CFAP53: variants seen among roughly 807,000 people sequenced by gnomAD.
CFAP53 encodes cilia and flagella associated protein 53.
A neutral mutation model predicts 59.7 loss-of-function variants in CFAP53; 62 were observed. That is an observed-to-expected ratio of 1.04 (90% CI 0.85 to 1.28). The LOEUF (loss-of-function observed/expected upper bound fraction) is 1.28. CFAP53 is among the 50% of genes most tolerant of loss of function. The pLI is 0.00. For synonymous variants in CFAP53, 218 were observed against 205.7 expected, an observed-to-expected ratio of 1.06 and a Z score of -0.51; for missense variants, 629 against 615.6, an observed-to-expected ratio of 1.02 and a Z score of -0.23.
In CFAP53 at chr18:50,236,116, T is replaced by C. The variant is rs192840478; in HGVS notation, c.1316+2487A>G. On this transcript the variant is annotated intron_variant, in intron 7 of 7. Transcript: ENST00000398545. ...ACAAACTTCTGCTTAACATCAAATGTTTCGATTTATCATCAAACACCTCGG... is the reference window on the plus strand; with the variant it reads ...ACAAACTTCTGCTTAACATCAAATGCTTCGATTTATCATCAAACACCTCGG... 1.2e-3 allele frequency among the ~76,000 whole-genome samples: 186 copies of C among 152,316 alleles called. 1 individual carries two copies. Among genetic ancestry groups the C allele is most frequent in the African/African-American group, 3.5e-3 (147 of 41,556 alleles).
At chr18:50,229,968 G>T (rs1301330147) in intron 7 of CFAP53, among the ~76,000 whole-genome samples, 5 of 151,964 alleles carry the variant, frequency 3.3e-5, no homozygotes, top group Non-Finnish European at 5.9e-5. Context: ...ATGTTGCACA[G>T]GCCGGTCTCA....
intron 1 of CFAP53, among the ~76,000 whole-genome samples, chr18:50,262,738 A>ATG (rs1283727484): frequency 1.3e-5 from 2 of 152,258 alleles, no homozygotes; most frequent in African/African-American, 2.4e-5. Flanking sequence ...ATACATGTAT[A>ATG]TGTGTGTGTG....
chr18:50,250,795 TC>T lies in CFAP53; in HGVS notation c.958del (p.Asp320ThrfsTer16). On this transcript the variant is annotated frameshift_variant, in exon 5 of 8. Transcript: ENST00000398545. LOFTEE classifies it high-confidence loss of function. ...NMKLVQRALQ[D>X]LQEEADKKKQ... ...CTTTTTATCTGCCTCTTCCTGTAAG[TC>T]TTGAAGGGCCCTTTGCACGAGCTTC... 1.9e-6 allele frequency: 3 copies of T among 1,614,204 alleles called. No homozygotes were observed. Among genetic ancestry groups the T allele is most frequent in the Non-Finnish European group, 2.5e-6 (3 of 1,180,026 alleles).
chr18:50,238,958 T>C (rs1169270855), intron 6 of CFAP53, among the ~76,000 whole-genome samples: 1 of 151,876 alleles, frequency 6.6e-6, no homozygotes, highest in African/African-American at 2.4e-5. Flanking sequence ...TCATACCAGA[T>C]TACTAATGTT....
chr18:50,228,326 C>A (rs1445011060), intron 7 of CFAP53, among the ~76,000 whole-genome samples: 1 of 152,098 alleles, frequency 6.6e-6, no homozygotes, highest in Non-Finnish European at 1.5e-5. Flanking sequence ...CAAAGGGCCA[C>A]ATCCCCGCAC....
In CFAP53 at chr18:50,238,633, A is replaced by C. The variant is rs2033659166; in HGVS notation, c.1286T>G (p.Leu429Arg). Residue 429 changes from leucine (L) to arginine (R), a missense_variant, in exon 7 of 8, where the codon CTT (leucine) becomes CGT (arginine). Transcript: ENST00000398545. ...QKHINESLKE[L>R]NCEEKENFAR... ...AAAATTCTCCTTCTCTTCACAGTTAAGTTCTTTAAGACTTTCATTTATGTG... is the reference window on the plus strand; with the variant it reads ...AAAATTCTCCTTCTCTTCACAGTTACGTTCTTTAAGACTTTCATTTATGTG... The C allele has an allele frequency of 6.2e-7, 1 of 1,610,242 alleles. No homozygotes were observed. The highest frequency in any genetic ancestry group is 1.3e-5 in the African/African-American group (1 of 74,752).
Position 50,227,305 on chromosome 18 carries a change from G to A in CFAP53, c.*76C>T. ...GGAAAAAAGAAAAGTTTATCCAGGA[G>A]TTAAAAGAAGCATACAAGCATACTG... On this transcript the variant is annotated 3_prime_UTR_variant, in exon 8 of 8. Coordinates refer to ENST00000398545, the MANE Select transcript of CFAP53 (RefSeq NM_145020.5). The A allele has an allele frequency of 4.3e-6, 5 of 1,167,024 alleles. No individual in the cohort carries two copies. The African/African-American group carries it at 4.6e-5, about 11-fold the overall frequency. 72.3% of individuals were successfully genotyped at this position (1,167,024 alleles called of 1,614,324 possible).
chr18:50,254,191 G>C (rs1396308830), intron 3 of CFAP53, among the ~76,000 whole-genome samples: 1 of 147,502 alleles, frequency 6.8e-6, no homozygotes, highest in Non-Finnish European at 1.5e-5. Context: ...GGACAAAGAA[G>C]TACTGTCTAG....
At chr18:50,266,158 G>T (rs1199991807) in intron 1 of CFAP53, among the ~76,000 whole-genome samples, 178 bp downstream of exon 1, 1 of 152,246 alleles carries the variant, frequency 6.6e-6, no homozygotes, top group African/African-American at 2.4e-5. Flanking sequence ...TGGGTGAGAG[G>T]TGGGGTAGAT....
intron 7 of CFAP53, among the ~76,000 whole-genome samples, chr18:50,237,535 T>C (rs181644492): frequency 6.6e-6 from 1 of 151,174 alleles, no homozygotes; most frequent in Non-Finnish European, 1.5e-5. Context: ...ATACTCTTTC[T>C]AGAAAGAGAA....
Position 50,262,243 on chromosome 18 carries a change from C to G in CFAP53, c.70-24G>C, listed in dbSNP as rs2033901005. The stretch of plus-strand genomic sequence containing the variant: ...CTCTGAAAACAAAAACCAACTATCA[C>G]TTATAATAAGCCAAAGAATCAACTG... On this transcript the variant is annotated intron_variant, in intron 1 of 7. Transcript: ENST00000398545. 2.5e-6 allele frequency: 4 copies of G among 1,578,794 alleles called. No homozygotes were observed. In the African/African-American group the frequency reaches 4.0e-5, roughly 16 times the overall value.
intron 6 of CFAP53, among the ~76,000 whole-genome samples, chr18:50,240,242 G>A (rs2033677279): frequency 6.7e-6 from 1 of 150,322 alleles, no homozygotes; most frequent in Admixed American, 6.6e-5. Flanking sequence ...GCCCCACCCT[G>A]ACTCATTCTG....
chr18:50,239,425 G>A (rs1282924623), intron 6 of CFAP53, among the ~76,000 whole-genome samples: 2 of 152,056 alleles, frequency 1.3e-5, no homozygotes, highest in Non-Finnish European at 2.9e-5. Flanking sequence ...AGAAAAAAAA[G>A]ACAAAGGAAA....
chr18:50,247,491 A>C (rs1041236069), intron 5 of CFAP53, among the ~76,000 whole-genome samples: 1 of 152,260 alleles, frequency 6.6e-6, no homozygotes, highest in African/African-American at 2.4e-5. Context: ...ATATGTCCAC[A>C]CAAAAATGTG....
At chr18:50,256,524 C>T (rs2033848186) in intron 3 of CFAP53, 1 of 152,168 alleles carries the variant, frequency 6.6e-6, no homozygotes, top group Non-Finnish European at 1.5e-5. Context: ...TCACTGCCCT[C>T]CTTCAGCAGC....
At position 50,250,833 on chromosome 18, in the gene CFAP53, C is replaced by G; in HGVS notation, c.921G>C (p.Gln307His). 1.2e-6 allele frequency: 2 copies of G among 1,614,202 alleles called. No homozygotes were observed. The highest frequency in any genetic ancestry group is 1.7e-6 in the Non-Finnish European group (2 of 1,180,038). Residue 307 changes from glutamine (Q) to histidine (H), a missense_variant, in exon 5 of 8, where the codon CAG becomes CAC. Gln to His is a conservative substitution (Grantham distance 24, BLOSUM62 0). Coordinates refer to ENST00000398545, the MANE Select transcript of CFAP53 (RefSeq NM_145020.5). ...EHIQQEYRDE[Q>H]DLNMKLVQRA... ...TTTGCACGAGCTTCATGTTCAAGTC[C>G]TGTTCGTCTCTGTATTCCTGCTGAA... is the stretch of plus-strand genomic sequence containing the variant.
intron 7 of CFAP53, among the ~76,000 whole-genome samples, chr18:50,237,377 C>CAT (rs59840303): frequency 0.36 from 34,701 of 95,654 alleles, 7,293 homozygotes; most frequent in African/African-American, 0.46. Context: ...TACACACACA[C>CAT]ACACACATAC....
chr18:50,228,213 C>T (rs1166065770), intron 7 of CFAP53, among the ~76,000 whole-genome samples: 1 of 151,734 alleles, frequency 6.6e-6, no homozygotes, highest in African/African-American at 2.4e-5. Flanking sequence ...CCCGCCTCAG[C>T]CTCCCAAAGT....
In CFAP53 at chr18:50,255,088, C is replaced by T. The variant is rs182326137; in HGVS notation, c.474-3304G>A. ...TTAACCAAACTGAGGTACATTCATG[C>T]AATGGAATACTACTCAGCAATAAAA... On this transcript the variant is annotated intron_variant, in intron 3 of 7. Coordinates refer to ENST00000398545, the MANE Select transcript of CFAP53 (RefSeq NM_145020.5). Among the ~76,000 whole-genome samples the T allele has an allele frequency of 3.2e-4, 48 of 152,278 alleles. No homozygotes were observed. In the East Asian group the frequency reaches 6.4e-3, roughly 20 times the overall value.
Sources: allele counts gnomAD v4.1 joint callset (sites outside exome capture counted in the v4.1 genomes callset), GRCh38; gene constraint gnomAD v4.1.1; transcripts MANE v1.5; gene names NCBI Gene and HGNC (gene_info 2026-07-23, HGNC 2026-07-21).